The following KDM7A variants were observed in gnomAD, a reference collection of about 807,000 sequenced individuals.
KDM7A encodes the protein lysine demethylase 7A, also known as lysine-specific demethylase 7A.
In KDM7A, 28 loss-of-function variants were observed where a neutral mutation model predicts 114.8. The ratio of observed to expected loss-of-function variants is 0.24; its 90% CI spans 0.18 to 0.33. The LOEUF is 0.33. KDM7A is among the 10% of genes least tolerant of loss of function. The probability of loss-of-function intolerance (pLI) is 1.00; values close to 1 mark genes in which losing one functional copy is unlikely to be tolerated. For missense variants in KDM7A, 942 were observed against 1,142.5 expected, an observed-to-expected ratio of 0.82 and a Z score of 2.53; for synonymous variants, 423 against 397.8, an observed-to-expected ratio of 1.06 and a Z score of -0.75.
At chr7:140,100,134 C>T in intron 12 of KDM7A, 111 bp from the exon 13 acceptor site, 1 of 1,139,340 alleles carries the variant, frequency 8.8e-7, no homozygotes, top group Non-Finnish European at 1.3e-6. Context: ...CTCAAAGATA[C>T]AGGCAGCCAC....
intron 17 of KDM7A, among the ~76,000 whole-genome samples, chr7:140,095,962 G>C (rs541339768): frequency 1.3e-5 from 2 of 152,168 alleles, no homozygotes; most frequent in South Asian, 4.2e-4. Context: ...TAATTATGTA[G>C]GATCAAACAT....
chr7:140,103,550 G>A (rs1818273368), intron 11 of KDM7A, among the ~76,000 whole-genome samples: 2 of 151,700 alleles, frequency 1.3e-5, no homozygotes, highest in Non-Finnish European at 2.9e-5. Flanking sequence ...CTATGAGTGA[G>A]AACATGCGGT....
At chr7:140,153,889 G>C (rs756779295) in intron 1 of KDM7A, among the ~76,000 whole-genome samples, 2 of 151,962 alleles carry the variant, frequency 1.3e-5, no homozygotes, top group South Asian at 2.1e-4. Context: ...TCCCACTTTC[G>C]ATTATCTATT....
intron 11 of KDM7A, among the ~76,000 whole-genome samples, chr7:140,103,996 T>C (rs1316112286): frequency 1.3e-5 from 2 of 152,210 alleles, no homozygotes; most frequent in Non-Finnish European, 1.5e-5. Flanking sequence ...TTTTAATGAC[T>C]GCCATTCTAA....
At chr7:140,133,518 T>C in intron 3 of KDM7A, 21 bp downstream of exon 3, 6 of 1,302,658 alleles carry the variant, frequency 4.6e-6, no homozygotes, top group Non-Finnish European at 6.6e-6. Flanking sequence ...CATTTTCTTT[T>C]ATCAGAGTAA....
Position 140,120,531 on chromosome 7 carries a change from TA to T in KDM7A, c.1052-3del. 6.3e-7 allele frequency: 1 copy of T among 1,595,852 alleles called. No individual in the cohort carries two copies. Among genetic ancestry groups the T allele is most frequent in the Non-Finnish European group, 8.6e-7 (1 of 1,163,682 alleles). On this transcript the variant is annotated splice_region_variant and splice_polypyrimidine_tract_variant and intron_variant, in intron 7 of 19. Coordinates refer to ENST00000397560, the MANE Select transcript of KDM7A (RefSeq NM_030647.2). Reference sequence around the variant, plus strand: ...AAGTGAGCACAGCATGGATCCACCCTAAAATGGTTGAAAATATATAAACCAG... The same window carrying T: ...AAGTGAGCACAGCATGGATCCACCCTAAATGGTTGAAAATATATAAACCAG...
rs750373160 is a variant in KDM7A at position 140,102,071 on chromosome 7, A to G, written c.1518T>C (p.His506=). 1.9e-6 allele frequency: 3 copies of G among 1,613,514 alleles called. No individual in the cohort carries two copies. The highest frequency in any genetic ancestry group is 2.5e-6 in the Non-Finnish European group (3 of 1,179,452). ...GAAGTTTCCTCATCTTTCTTCGGGA[A>G]TGGTATGGGGAAGTTGCTTCATTTG... is the stretch of plus-strand genomic sequence containing the variant. ...RSSNEATSPY[H]SRRKMRKLRD... The change falls in exon 12 of 20, where the codon CAT becomes CAC. Residue 506 remains histidine (H), a synonymous_variant. Transcript: ENST00000397560.
chr7:140,164,246 G>GC (rs1348272766), intron 1 of KDM7A, among the ~76,000 whole-genome samples: 1 of 152,186 alleles, frequency 6.6e-6, no homozygotes, highest in Non-Finnish European at 1.5e-5. Context: ...ACCACTTTGT[G>GC]CAACAAAGAG....
intron 1 of KDM7A, among the ~76,000 whole-genome samples, chr7:140,173,540 C>T (rs1226825707): frequency 1.3e-5 from 2 of 152,036 alleles, no homozygotes; most frequent in African/African-American, 4.8e-5. Flanking sequence ...TGCACTGATT[C>T]CTCAGTTTAA....
rs1277549688 is a variant in KDM7A, at chr7:140,085,159, A to AC, written c.*5934dup. The AC allele has an allele frequency of 6.6e-6, 1 of 152,372 alleles. No homozygotes were observed. The highest frequency in any genetic ancestry group is 1.5e-5 in the Non-Finnish European group (1 of 68,054). 9.4% of individuals were successfully genotyped at this position (152,372 alleles called of 1,614,324 possible). A position where few individuals can be genotyped will look rare whatever the true frequency, so the allele number is the denominator to read the frequency against. On this transcript the variant is annotated 3_prime_UTR_variant, in exon 20 of 20. Coordinates refer to ENST00000397560, the MANE Select transcript of KDM7A (RefSeq NM_030647.2). Reference sequence around the variant, plus strand: ...CACAGTGGGCTTCCGGACTGAAAGGACACACATGTCACACACATTGACTGC... The same window carrying AC: ...CACAGTGGGCTTCCGGACTGAAAGGACCACACATGTCACACACATTGACTGC...
In KDM7A at chr7:140,128,143, CA is replaced by C. The variant is rs199790646; in HGVS notation, c.560-561del. 2.7e-3 allele frequency among the ~76,000 whole-genome samples: 417 copies of C among 152,238 alleles called. 4 individuals carry two copies. The highest frequency in any genetic ancestry group is 9.5e-3 in the African/African-American group (394 of 41,550). ...TAAGAAAAAATTAGTGATTGGGAAG[CA>C]AAAATCAGTTCACATTAGTACCAGT... On this transcript the variant is annotated intron_variant, in intron 4 of 19. Transcript: ENST00000397560.
At chr7:140,110,994 G>A in intron 11 of KDM7A, 101 bp downstream of exon 11, 2 of 628,848 alleles carry the variant, frequency 3.2e-6, no homozygotes, top group Non-Finnish European at 5.4e-6. Context: ...TTTCTTCTAA[G>A]TGTGTAAGAG....
In KDM7A at chr7:140,165,616, G is replaced by C. The variant is rs1201571131; in HGVS notation, c.194+11128C>G. Among the ~76,000 whole-genome samples the C allele has an allele frequency of 2.0e-5, 3 of 152,078 alleles. No homozygotes were observed. In the South Asian group the frequency reaches 6.2e-4, roughly 32 times the overall value. On this transcript the variant is annotated intron_variant, in intron 1 of 19. Coordinates refer to ENST00000397560, the MANE Select transcript of KDM7A (RefSeq NM_030647.2). Reference sequence around the variant, plus strand: ...TGAAATCTTGCACCATCCCATCTAGGATGTGAATCATCCCTCTGTTAGTGT... The same window carrying C: ...TGAAATCTTGCACCATCCCATCTAGCATGTGAATCATCCCTCTGTTAGTGT...
intron 1 of KDM7A, among the ~76,000 whole-genome samples, chr7:140,168,150 TTGG>T (rs1370295011): frequency 6.6e-6 from 1 of 152,218 alleles, no homozygotes; most frequent in Non-Finnish European, 1.5e-5. Flanking sequence ...TCTCACACTG[TTGG>T]TGGGAATGCA....
intron 1 of KDM7A, among the ~76,000 whole-genome samples, chr7:140,140,320 A>G (rs981316101): frequency 6.6e-6 from 1 of 152,230 alleles, no homozygotes; most frequent in Non-Finnish European, 1.5e-5. Context: ...ATGACCATTT[A>G]AAAAGATTCA....
At position 140,127,600 on chromosome 7, in the gene KDM7A, CA is replaced by C. The variant is rs781157171; in HGVS notation, c.560-18del. 1 of 1,610,570 alleles carries C rather than the reference CA, an allele frequency of 6.2e-7. No homozygotes were observed. The highest frequency in any genetic ancestry group is 1.1e-5 in the South Asian group (1 of 90,792). ...TGTCACCACCTGCAGAGAAAAATTA[CA>C]GTCTTATTATTGGACTTAAGAGTTA... On this transcript the variant is annotated intron_variant, in intron 4 of 19. Coordinates refer to ENST00000397560, the MANE Select transcript of KDM7A (RefSeq NM_030647.2).
intron 1 of KDM7A, among the ~76,000 whole-genome samples, chr7:140,144,649 G>A (rs575821039): frequency 6.6e-6 from 1 of 152,076 alleles, no homozygotes; most frequent in East Asian, 1.9e-4. Flanking sequence ...AACACAATAA[G>A]ATTGCTAGCT....
intron 9 of KDM7A, among the ~76,000 whole-genome samples, chr7:140,116,182 A>G (rs962441457): frequency 1.3e-5 from 2 of 152,232 alleles, no homozygotes; most frequent in African/African-American, 4.8e-5. Context: ...GACAAAGACA[A>G]GAACTTCTTA....
chr7:140,101,423 G>A (rs1457932335), intron 12 of KDM7A, among the ~76,000 whole-genome samples: 2 of 152,056 alleles, frequency 1.3e-5, no homozygotes, highest in East Asian at 1.9e-4. Flanking sequence ...CAATCACCAC[G>A]TAACCATTTG....
Sources: allele counts gnomAD v4.1 joint callset (sites outside exome capture counted in the v4.1 genomes callset), GRCh38; gene constraint gnomAD v4.1.1; transcripts MANE v1.5; gene names NCBI Gene and HGNC (gene_info 2026-07-23, HGNC 2026-07-21).